HSD17B13: variants seen among roughly 807,000 people sequenced by gnomAD.
HSD17B13 encodes the protein 17-beta-hydroxysteroid dehydrogenase 13.
In HSD17B13, 26 loss-of-function variants were observed where a neutral mutation model predicts 31.1. The ratio of observed to expected loss-of-function variants is 0.84; its 90% CI spans 0.61 to 1.16. The LOEUF (loss-of-function observed/expected upper bound fraction) is 1.16. Among genes scored for constraint, HSD17B13 ranks in the 50% most tolerant of loss-of-function variants. The pLI is 0.00. For synonymous variants in HSD17B13, 141 were observed against 133.7 expected, an observed-to-expected ratio of 1.05 and a Z score of -0.38; for missense variants, 374 against 366.5, an observed-to-expected ratio of 1.02 and a Z score of -0.17.
At chr4:87,306,553 A>C (rs1734391995) in intron 6 of HSD17B13, among the ~76,000 whole-genome samples, 1 of 152,156 alleles carries the variant, frequency 6.6e-6, no homozygotes, top group East Asian at 1.9e-4. Context: ...GGGATAGTGG[A>C]GGAAAGCTTC....
chr4:87,308,693 TAAAA>T (rs1323358884), intron 6 of HSD17B13, among the ~76,000 whole-genome samples: 1 of 147,254 alleles, frequency 6.8e-6, no homozygotes, highest in African/African-American at 2.5e-5. Flanking sequence ...AAAAATATAA[TAAAA>T]ATAAATAAAT....
At chr4:87,312,997 T>A (rs1333743706) in intron 5 of HSD17B13, among the ~76,000 whole-genome samples, 1 of 151,446 alleles carries the variant, frequency 6.6e-6, no homozygotes, top group Non-Finnish European at 1.5e-5. Flanking sequence ...AAGGCGGAGG[T>A]TGCGGTGAGC....
intron 2 of HSD17B13, among the ~76,000 whole-genome samples, chr4:87,317,453 G>T (rs1734677083): frequency 6.7e-6 from 1 of 149,994 alleles, no homozygotes; most frequent in Non-Finnish European, 1.5e-5. Context: ...ATCATGTTTT[G>T]CAAGTTTATC....
intron 5 of HSD17B13, 22 bp from the exon 6 acceptor site, chr4:87,310,381 T>C (rs2110098984): frequency 7.3e-7 from 1 of 1,371,556 alleles, no homozygotes; most frequent in South Asian, 2.0e-5. Flanking sequence ...AAGAGGAAAA[T>C]ATTATTTTTA....
intron 5 of HSD17B13, among the ~76,000 whole-genome samples, chr4:87,311,433 G>A (rs112506230): frequency 3.2e-4 from 49 of 152,176 alleles, no homozygotes; most frequent in African/African-American, 1.1e-3. Flanking sequence ...ACCCCTTTCC[G>A]GTAAGAATTT....
chr4:87,322,333 C>G (rs1323094682), intron 1 of HSD17B13, among the ~76,000 whole-genome samples: 2 of 152,204 alleles, frequency 1.3e-5, no homozygotes, highest in South Asian at 4.1e-4. Flanking sequence ...ATCCCCACTT[C>G]AGAGCCAAGA....
chr4:87,306,699 G>A (rs1229231199), intron 6 of HSD17B13, among the ~76,000 whole-genome samples: 1 of 151,988 alleles, frequency 6.6e-6, no homozygotes, highest in East Asian at 1.9e-4. Context: ...GAGGTCAGGA[G>A]TTCGAGACCA....
chr4:87,314,054 A>C (rs1166384090), intron 4 of HSD17B13, 94 bp from the exon 5 acceptor site: 1 of 985,840 alleles, frequency 1.0e-6, no homozygotes, highest in Non-Finnish European at 1.4e-6. Flanking sequence ...CTTAAGAACA[A>C]GTGGAAGCCA....
Position 87,322,209 on chromosome 4 carries a change from G to A in HSD17B13, c.210+423C>T, listed in dbSNP as rs115114072. Reference sequence around the variant, plus strand: ...GTCAGACAGTAAATATTTTAGAACTGTGTTGCTTGTGCATGAGGGGAGGCA... The same window carrying A: ...GTCAGACAGTAAATATTTTAGAACTATGTTGCTTGTGCATGAGGGGAGGCA... On this transcript the variant is annotated intron_variant, in intron 1 of 6. Transcript: ENST00000328546. Among the ~76,000 whole-genome samples the A allele has an allele frequency of 7.1e-3, 1,080 of 152,296 alleles. 11 individuals carry two copies. Among genetic ancestry groups the A allele is most frequent in the African/African-American group, 0.025 (1,040 of 41,568 alleles).
intron 6 of HSD17B13, among the ~76,000 whole-genome samples, chr4:87,306,413 C>T (rs1388628626): frequency 6.6e-6 from 1 of 152,134 alleles, no homozygotes; most frequent in South Asian, 2.1e-4. Flanking sequence ...AACTAAAGTA[C>T]TTGAAAAATA....
chr4:87,311,197 C>T (rs2110099380), intron 5 of HSD17B13, among the ~76,000 whole-genome samples: 1 of 152,198 alleles, frequency 6.6e-6, no homozygotes, highest in East Asian at 1.9e-4. Flanking sequence ...AATTGCTCAC[C>T]CTTTTCCCGG....
intron 6 of HSD17B13, among the ~76,000 whole-genome samples, chr4:87,309,673 T>C (rs1452513087): frequency 1.3e-5 from 2 of 152,324 alleles, no homozygotes; most frequent in South Asian, 2.1e-4. Flanking sequence ...TATATTGCAT[T>C]CTTTTTAAAC....
rs1415968861 is a variant in HSD17B13 at position 87,304,609 on chromosome 4, G to A, written c.*609C>T. Reference sequence around the variant, plus strand: ...CTATAAAAAGGGAGGAAATATAGAGGGTCCACTTTTGGTGGACTTCAGAGT... The same window carrying A: ...CTATAAAAAGGGAGGAAATATAGAGAGTCCACTTTTGGTGGACTTCAGAGT... On this transcript the variant is annotated 3_prime_UTR_variant, in exon 7 of 7. Transcript: ENST00000328546. 6.6e-6 allele frequency: 1 copy of A among 152,110 alleles called. No homozygotes were observed. Among genetic ancestry groups the A allele is most frequent in the Non-Finnish European group, 1.5e-5 (1 of 68,026 alleles). 9.4% of individuals were successfully genotyped at this position (152,110 alleles called of 1,614,324 possible).
intron 1 of HSD17B13, among the ~76,000 whole-genome samples, chr4:87,320,789 G>C (rs576752395): frequency 1.4e-4 from 21 of 152,156 alleles, no homozygotes; most frequent in African/African-American, 4.1e-4. Context: ...TGTGTTTTTT[G>C]AACCGTATTC....
chr4:87,317,141 T>C lies in HSD17B13; in HGVS notation c.401A>G (p.Asp134Gly), dbSNP rs201763274. The stretch of plus-strand genomic sequence containing the variant: ...CTCAAATGTCTTGGTAATCTCTTCA[T>C]CCTTGGTGCTGAGAAGATCGGCTGG... ...VYPADLLSTK[D>G]EEITKTFEVN... The change falls in exon 3 of 7, where the codon GAT (aspartate) becomes GGT (glycine). Residue 134 changes from aspartate to glycine, a missense_variant. By Grantham distance (94) the Asp-to-Gly change is moderately conservative. Coordinates refer to ENST00000328546, the MANE Select transcript of HSD17B13 (RefSeq NM_178135.5). 3.1e-4 allele frequency: 506 copies of C among 1,613,958 alleles called. No homozygotes were observed. In the Middle Eastern group the frequency reaches 4.0e-3, roughly 13 times the overall value.
intron 6 of HSD17B13, among the ~76,000 whole-genome samples, chr4:87,309,618 C>A (rs1734481082): frequency 6.6e-6 from 1 of 152,092 alleles, no homozygotes; most frequent in Admixed American, 6.6e-5. Context: ...AACCAAACTT[C>A]CAGCAGACTT....
chr4:87,321,015 CCTATTT>C (rs1407837581), intron 1 of HSD17B13, among the ~76,000 whole-genome samples: 1 of 152,054 alleles, frequency 6.6e-6, no homozygotes, highest in Non-Finnish European at 1.5e-5. Context: ...GGTTGGGTTA[CCTATTT>C]TTCTTAAGTC....
intron 6 of HSD17B13, 39 bp from the exon 7 acceptor site, chr4:87,305,347 T>C: frequency 7.3e-7 from 1 of 1,372,980 alleles, no homozygotes. Flanking sequence ...AATTTTCCAT[T>C]TAAAATCTTT....
chr4:87,313,803 T>G lies in HSD17B13; in HGVS notation c.695+20A>C. 1 of 1,607,420 alleles carries G rather than the reference T, an allele frequency of 6.2e-7. No individual in the cohort carries two copies. The highest frequency in any genetic ancestry group is 8.5e-7 in the Non-Finnish European group (1 of 1,175,740). On this transcript the variant is annotated intron_variant, in intron 5 of 6. Coordinates refer to ENST00000328546, the MANE Select transcript of HSD17B13 (RefSeq NM_178135.5). ...AATTTATCATACCACATACCCATTCTAACTTGATTTTGACCTTACCTTGTG... is the reference window on the plus strand; with the variant it reads ...AATTTATCATACCACATACCCATTCGAACTTGATTTTGACCTTACCTTGTG...
Sources: allele counts gnomAD v4.1 joint callset (sites outside exome capture counted in the v4.1 genomes callset), GRCh38; gene constraint gnomAD v4.1.1; transcripts MANE v1.5; gene names NCBI Gene and HGNC (gene_info 2026-07-23, HGNC 2026-07-21).